Variants in PRRG3 observed in about 807,000 individuals in gnomAD.
PRRG3 encodes the protein transmembrane gamma-carboxyglutamic acid protein 3.
Under a neutral mutation model 15.8 loss-of-function variants are expected in PRRG3, and 21 were observed. That is an observed-to-expected ratio of 1.33 (90% confidence interval 0.94 to 1.92). The LOEUF is 1.92. Among genes scored for constraint, PRRG3 ranks in the 40% most tolerant of loss-of-function variants. PRRG3 has a pLI of 0.00. For synonymous variants in PRRG3, 125 were observed against 84.1 expected, an observed-to-expected ratio of 1.49 and a Z score of -2.66; for missense variants, 251 against 200.2, an observed-to-expected ratio of 1.25 and a Z score of -1.53.
In PRRG3 at chrX:151,705,242, T is replaced by C. The variant is rs752646763; in HGVS notation, c.*4209T>C. ...CTGCAATTTAAACTAATACACATGA[T>C]GTATCTTTCTAAATATTCTGTAAAG... On this transcript the variant is annotated 3_prime_UTR_variant, in exon 4 of 4. Transcript: ENST00000674457. The C allele has an allele frequency of 5.9e-6, 2 of 340,342 alleles. No individual in the cohort carries two copies. The highest frequency in any genetic ancestry group is 1.9e-4 in the East Asian group (2 of 10,292). The allele number at this position is 340,342 out of a possible 1,213,427, so 28.0% of individuals were successfully genotyped here.
Position 151,701,035 on chromosome X carries a change from G to A in PRRG3, c.*2G>A. ...GCCAACCCTGGCGCTGACAAGTAGT[G>A]GGACGTTTGTGCCCTGTCCTGGATG... On this transcript the variant is annotated 3_prime_UTR_variant, in exon 4 of 4. Coordinates refer to ENST00000674457, the MANE Select transcript of PRRG3 (RefSeq NM_001372163.1). 7 of 1,135,838 alleles carry A rather than the reference G, an allele frequency of 6.2e-6. No individual in the cohort carries two copies. The highest frequency in any genetic ancestry group is 7.0e-6 in the Non-Finnish European group (6 of 857,748). 93.6% of individuals were successfully genotyped at this position (1,135,838 alleles called of 1,213,427 possible). A position where few individuals can be genotyped will look rare whatever the true frequency, so the allele number is the denominator to read the frequency against.
intron 1 of PRRG3, among the ~76,000 whole-genome samples, chrX:151,697,846 A>G (rs1335283960): frequency 9.1e-6 from 1 of 109,576 alleles, no homozygotes; most frequent in Non-Finnish European, 1.9e-5. Flanking sequence ...CAGAGGGAGC[A>G]GTGTGCTGTG....
Position 151,700,623 on chromosome X carries a change from G to A in PRRG3, c.286G>A (p.Ala96Thr), listed in dbSNP as rs770915316. The change falls in exon 4 of 4, where the codon GCC becomes ACC. Residue 96 changes from alanine to threonine, a missense_variant. Transcript: ENST00000674457. ...GGGGGTGGCACTGCTGATTGTCATCGCCTTGTTCATCATCTGGAGGTGCCA... is the reference window on the plus strand; with the variant it reads ...GGGGGTGGCACTGCTGATTGTCATCACCTTGTTCATCATCTGGAGGTGCCA... ...LLGVALLIVI[A>T]LFIIWRCQLQ... is the part of the protein sequence containing the mutation. The A allele has an allele frequency of 3.4e-5, 41 of 1,209,603 alleles. No individual in the cohort carries two copies. The highest frequency in any genetic ancestry group is 2.3e-4 in the Middle Eastern group (1 of 4,352).
Position 151,703,871 on chromosome X carries a change from T to G in PRRG3, c.*2838T>G, listed in dbSNP as rs2014929913. Reference sequence around the variant, plus strand: ...TCCTGGGCATGGTTTTTTTTTTTTTTTTTTTTTTTTTTTTTTTTTTTTTTT... The same window carrying G: ...TCCTGGGCATGGTTTTTTTTTTTTTGTTTTTTTTTTTTTTTTTTTTTTTTT... On this transcript the variant is annotated 3_prime_UTR_variant, in exon 4 of 4. Transcript: ENST00000674457. The G allele has an allele frequency of 5.4e-4, 6 of 11,208 alleles. No homozygotes were observed. The highest frequency in any genetic ancestry group is 2.4e-3 in the African/African-American group (6 of 2,525). The allele number at this position is 11,208 out of a possible 1,213,427, so 0.9% of individuals were successfully genotyped here. A position where few individuals can be genotyped will look rare whatever the true frequency, so the allele number is the denominator to read the frequency against.
At chrX:151,699,045 C>G (rs1001771979) in intron 2 of PRRG3, among the ~76,000 whole-genome samples, 17 of 112,603 alleles carry the variant, frequency 1.5e-4, no homozygotes, top group African/African-American at 4.2e-4. Flanking sequence ...CTGAGTGACA[C>G]TAACGTGACA....
At position 151,705,324 on chromosome X, in the gene PRRG3, T is replaced by C; in HGVS notation, c.*4291T>C. ...TCATTCGCCTCCAAATATTCAAACGTGGGAGCTTTTCCTTTCAGACTGTGG... is the reference window on the plus strand; with the variant it reads ...TCATTCGCCTCCAAATATTCAAACGCGGGAGCTTTTCCTTTCAGACTGTGG... On this transcript the variant is annotated 3_prime_UTR_variant, in exon 4 of 4. Transcript: ENST00000674457. The C allele has an allele frequency of 2.9e-6, 1 of 343,578 alleles. No individual in the cohort carries two copies. The highest frequency in any genetic ancestry group is 2.6e-5 in the South Asian group (1 of 38,535). 28.3% of individuals were successfully genotyped at this position (343,578 alleles called of 1,213,427 possible). A position where few individuals can be genotyped will look rare whatever the true frequency, so the allele number is the denominator to read the frequency against.
chrX:151,700,460 C>A, intron 3 of PRRG3, 46 bp from the exon 4 acceptor site: 1 of 1,148,071 alleles, frequency 8.7e-7, no homozygotes. Context: ...CCTCTGAGCC[C>A]ACCTGGAGCT....
At chrX:151,698,702 G>A in intron 1 of PRRG3, 82 bp from the exon 2 acceptor site, 2 of 751,695 alleles carry the variant, frequency 2.7e-6, no homozygotes, top group East Asian at 3.4e-5. Context: ...CAGTGGGAGG[G>A]GGGCACATCC....
In PRRG3 at chrX:151,703,615, G is replaced by C. The variant is rs1388133118; in HGVS notation, c.*2582G>C. The C allele has an allele frequency of 9.0e-6, 1 of 111,113 alleles. No individual in the cohort carries two copies. The highest frequency in any genetic ancestry group is 3.3e-5 in the African/African-American group (1 of 30,463). 9.2% of individuals were successfully genotyped at this position (111,113 alleles called of 1,213,427 possible). Reference sequence around the variant, plus strand: ...TCACCTCCCCTCGCAGGGCTGAGTAGCCTGATGACAGGGCCCTGAGCAAGG... The same window carrying C: ...TCACCTCCCCTCGCAGGGCTGAGTACCCTGATGACAGGGCCCTGAGCAAGG... On this transcript the variant is annotated 3_prime_UTR_variant, in exon 4 of 4. Transcript: ENST00000674457.
In PRRG3 at chrX:151,703,982, G is replaced by T. The variant is rs2014939538; in HGVS notation, c.*2949G>T. The T allele has an allele frequency of 1.1e-5, 1 of 88,472 alleles. No homozygotes were observed. The highest frequency in any genetic ancestry group is 4.1e-5 in the African/African-American group (1 of 24,429). 7.3% of individuals were successfully genotyped at this position (88,472 alleles called of 1,213,427 possible). A position where few individuals can be genotyped will look rare whatever the true frequency, so the allele number is the denominator to read the frequency against. The stretch of plus-strand genomic sequence containing the variant: ...GAAAGATGTGTGACTATTGACTTTG[G>T]GTATCGCGGGACTAGTTAATTAGAT... On this transcript the variant is annotated 3_prime_UTR_variant, in exon 4 of 4. Coordinates refer to ENST00000674457, the MANE Select transcript of PRRG3 (RefSeq NM_001372163.1).
At chrX:151,696,181 G>A (rs1190347988) in intron 1 of PRRG3, among the ~76,000 whole-genome samples, 1 of 111,814 alleles carries the variant, frequency 8.9e-6, no homozygotes, top group African/African-American at 3.3e-5. Flanking sequence ...GGGGCATGGG[G>A]GACATATACA....
chrX:151,699,773 C>A (rs888900357), intron 2 of PRRG3, among the ~76,000 whole-genome samples: 3 of 112,914 alleles, frequency 2.7e-5, no homozygotes, highest in Non-Finnish European at 3.7e-5. Flanking sequence ...CTTGTTGGGG[C>A]TGTGGTATTC....
chrX:151,698,180 G>A (rs2014800407), intron 1 of PRRG3: 1 of 112,020 alleles, frequency 8.9e-6, no homozygotes, highest in South Asian at 3.8e-4. Context: ...TGTGTCCACT[G>A]AAGGTTGCTA....
rs2014926426 is a variant in PRRG3 at position 151,703,856 on chromosome X, GGT to G, written c.*2824_*2825del. On this transcript the variant is annotated 3_prime_UTR_variant, in exon 4 of 4. Coordinates refer to ENST00000674457, the MANE Select transcript of PRRG3 (RefSeq NM_001372163.1). ...AAGAAATCTGAGTACTCCTGGGCATGGTTTTTTTTTTTTTTTTTTTTTTTTTT... is the reference window on the plus strand; with the variant it reads ...AAGAAATCTGAGTACTCCTGGGCATGTTTTTTTTTTTTTTTTTTTTTTTTT... 1.1e-4 allele frequency: 1 copy of G among 8,957 alleles called. No individual in the cohort carries two copies. Among genetic ancestry groups the G allele is most frequent in the Non-Finnish European group, 6.5e-4 (1 of 1,539 alleles). 0.7% of individuals were successfully genotyped at this position (8,957 alleles called of 1,213,427 possible). A position where few individuals can be genotyped will look rare whatever the true frequency, so the allele number is the denominator to read the frequency against.
rs1432373909 is a variant in PRRG3 at position 151,702,174 on chromosome X, C to A, written c.*1141C>A. The stretch of plus-strand genomic sequence containing the variant: ...CATCCTCCTGACCTCAACACCAAAC[C>A]ATTTCTCCTCTGTGGTGCTTTAAAA... On this transcript the variant is annotated 3_prime_UTR_variant, in exon 4 of 4. Coordinates refer to ENST00000674457, the MANE Select transcript of PRRG3 (RefSeq NM_001372163.1). The A allele has an allele frequency of 8.9e-6, 1 of 112,295 alleles. No homozygotes were observed. The highest frequency in any genetic ancestry group is 3.2e-5 in the African/African-American group (1 of 30,873). 9.3% of individuals were successfully genotyped at this position (112,295 alleles called of 1,213,427 possible). A position where few individuals can be genotyped will look rare whatever the true frequency, so the allele number is the denominator to read the frequency against.
At position 151,704,462 on chromosome X, in the gene PRRG3, C is replaced by T. The variant is rs961605458; in HGVS notation, c.*3429C>T. 2 of 111,690 alleles carry T rather than the reference C, an allele frequency of 1.8e-5. No individual in the cohort carries two copies. The highest frequency in any genetic ancestry group is 3.8e-5 in the Non-Finnish European group (2 of 53,145). The allele number at this position is 111,690 out of a possible 1,213,427, so 9.2% of individuals were successfully genotyped here. On this transcript the variant is annotated 3_prime_UTR_variant, in exon 4 of 4. Coordinates refer to ENST00000674457, the MANE Select transcript of PRRG3 (RefSeq NM_001372163.1). ...GCTTCCCCTCTCCCAGTGGGTGGAGCATCGCAACCCCCAGCCAGAGTTGAT... is the reference window on the plus strand; with the variant it reads ...GCTTCCCCTCTCCCAGTGGGTGGAGTATCGCAACCCCCAGCCAGAGTTGAT...
chrX:151,699,886 C>G, intron 2 of PRRG3, 110 bp from the exon 3 acceptor site: 5 of 822,241 alleles, frequency 6.1e-6, no homozygotes, highest in Non-Finnish European at 6.8e-6. Context: ...TGCCTGCTCA[C>G]TCGGCCTTGT....
chrX:151,702,333 T>C lies in PRRG3; in HGVS notation c.*1300T>C, dbSNP rs1166419304. On this transcript the variant is annotated 3_prime_UTR_variant, in exon 4 of 4. Coordinates refer to ENST00000674457, the MANE Select transcript of PRRG3 (RefSeq NM_001372163.1). The stretch of plus-strand genomic sequence containing the variant: ...CTCTAAGGCAGACATTGGGACTCAT[T>C]TCCTTGAATGCAGCCCTGCCTTCAG... The C allele has an allele frequency of 8.9e-6, 1 of 112,415 alleles. No individual in the cohort carries two copies. Among genetic ancestry groups the C allele is most frequent in the Non-Finnish European group, 1.9e-5 (1 of 53,259 alleles). 9.3% of individuals were successfully genotyped at this position (112,415 alleles called of 1,213,427 possible). A position where few individuals can be genotyped will look rare whatever the true frequency, so the allele number is the denominator to read the frequency against.
chrX:151,697,077 C>CTCCTTCCTTCCTTCCTTCCT (rs1353224699), intron 1 of PRRG3, among the ~76,000 whole-genome samples: 5 of 41,770 alleles, frequency 1.2e-4, no homozygotes, highest in Admixed American at 2.5e-4. Context: ...CCCTTCCCTT[C>CTCCTTCCTTCCTTCCTTCCT]TCCTTCCTTC....
Sources: allele counts gnomAD v4.1 joint callset (sites outside exome capture counted in the v4.1 genomes callset), GRCh38; gene constraint gnomAD v4.1.1; transcripts MANE v1.5; gene names NCBI Gene and HGNC (gene_info 2026-07-23, HGNC 2026-07-21).